TNIK: variants seen among roughly 807,000 people sequenced by gnomAD.
TNIK encodes TRAF2 and NCK-interacting protein kinase.
A neutral mutation model predicts 191.3 loss-of-function variants in TNIK; 49 were observed. That is an observed-to-expected ratio of 0.26 (90% CI 0.20 to 0.32). The LOEUF is 0.32. Ranked by LOEUF, TNIK falls within the 10% of genes least tolerant of loss-of-function variation. The pLI is 1.00. For missense variants in TNIK, 1,155 were observed against 1,702.3 expected (o/e 0.68, Z 5.66); for synonymous variants, 594 against 600.9 (o/e 0.99, Z 0.17).
intron 30 of TNIK, 64 bp from the exon 31 acceptor site, chr3:171,066,799 T>C (rs901519063): frequency 7.9e-6 from 12 of 1,523,508 alleles, no homozygotes; most frequent in Middle Eastern, 1.7e-4. Flanking sequence ...ACTATTCATC[T>C]CTAACAACTG....
chr3:171,174,573 TG>T (rs1270874327), intron 9 of TNIK, among the ~76,000 whole-genome samples: 2 of 152,224 alleles, frequency 1.3e-5, no homozygotes, highest in African/African-American at 4.8e-5. Context: ...TGGCTTAACC[TG>T]TAGAACTGTT....
At position 171,063,014 on chromosome 3, in the gene TNIK, A is replaced by T. The variant is rs1460496317; in HGVS notation, c.*867T>A. On this transcript the variant is annotated 3_prime_UTR_variant, in exon 33 of 33. Transcript: ENST00000436636. ...TCTGTCTGACCCCATCTGTCATCCCATCTTTTTCCCTGATCTGTTGCATAA... is the reference window on the plus strand; with the variant it reads ...TCTGTCTGACCCCATCTGTCATCCCTTCTTTTTCCCTGATCTGTTGCATAA... The T allele has an allele frequency of 6.6e-6, 1 of 152,132 alleles. No homozygotes were observed. Among genetic ancestry groups the T allele is most frequent in the African/African-American group, 2.4e-5 (1 of 41,438 alleles). 9.4% of individuals were successfully genotyped at this position (152,132 alleles called of 1,614,324 possible).
chr3:171,345,661 C>T (rs1384706322), intron 2 of TNIK, among the ~76,000 whole-genome samples: 2 of 152,110 alleles, frequency 1.3e-5, no homozygotes, highest in African/African-American at 4.8e-5. Flanking sequence ...GAAAAAACAC[C>T]AGGGAACTCA....
chr3:171,259,738 A>G (rs932917069), intron 2 of TNIK, among the ~76,000 whole-genome samples: 1 of 152,136 alleles, frequency 6.6e-6, no homozygotes, highest in African/African-American at 2.4e-5. Flanking sequence ...TAAGCCAGGC[A>G]CCCTTTATAA....
At chr3:171,317,848 C>A (rs1754803926) in intron 2 of TNIK, among the ~76,000 whole-genome samples, 1 of 152,062 alleles carries the variant, frequency 6.6e-6, no homozygotes, top group South Asian at 2.1e-4. Context: ...TGCTAGGCAG[C>A]GTGTTCCTAT....
chr3:171,287,868 C>T (rs892710565), intron 2 of TNIK, among the ~76,000 whole-genome samples: 2 of 151,958 alleles, frequency 1.3e-5, no homozygotes, highest in Admixed American at 6.6e-5. Flanking sequence ...CACATGCACA[C>T]GTATGTTTAT....
chr3:171,359,169 C>T (rs1189405375), intron 2 of TNIK, among the ~76,000 whole-genome samples: 1 of 152,076 alleles, frequency 6.6e-6, no homozygotes, highest in Non-Finnish European at 1.5e-5. Flanking sequence ...AAAAGATTTC[C>T]AGTAAGATAA....
chr3:171,398,847 C>T (rs1720560863), intron 1 of TNIK, among the ~76,000 whole-genome samples: 1 of 152,154 alleles, frequency 6.6e-6, no homozygotes, highest in East Asian at 1.9e-4. Context: ...TTTTCCCCTC[C>T]GTACGAAAGA....
intron 2 of TNIK, among the ~76,000 whole-genome samples, chr3:171,266,236 GAAAC>G (rs758908688): frequency 3.3e-5 from 5 of 152,186 alleles, no homozygotes; most frequent in African/African-American, 7.2e-5. Flanking sequence ...TTTAGAAAAT[GAAAC>G]AAAAGTATTG....
chr3:171,425,326 A>C (rs1281615976), intron 1 of TNIK, among the ~76,000 whole-genome samples: 2 of 152,208 alleles, frequency 1.3e-5, no homozygotes, highest in African/African-American at 4.8e-5. Context: ...ACAAATGCCA[A>C]CTTTTTAACA....
chr3:171,106,786 C>T (rs769353138), intron 21 of TNIK: 18 of 533,874 alleles, frequency 3.4e-5, no homozygotes, highest in Non-Finnish European at 6.9e-5. Context: ...ACAAATCACA[C>T]ACTCTAAATT....
intron 23 of TNIK, among the ~76,000 whole-genome samples, chr3:171,091,738 AAATAAT>A (rs71176591): frequency 5.5e-4 from 83 of 151,374 alleles, no homozygotes; most frequent in African/African-American, 1.5e-3. Flanking sequence ...CCATCTCCAA[AAATAAT>A]AATAATAATA....
intron 2 of TNIK, among the ~76,000 whole-genome samples, chr3:171,242,302 G>A (rs1037855640): frequency 6.6e-5 from 10 of 152,096 alleles, no homozygotes; most frequent in Non-Finnish European, 1.2e-4. Context: ...CACAAAACAC[G>A]AAAATTGCCT....
intron 1 of TNIK, among the ~76,000 whole-genome samples, chr3:171,449,509 G>T (rs1352468370): frequency 6.6e-6 from 1 of 152,006 alleles, no homozygotes; most frequent in Admixed American, 6.6e-5. Context: ...CATGAGAAAA[G>T]GCTAATTATT....
intron 1 of TNIK, among the ~76,000 whole-genome samples, chr3:171,406,546 C>T (rs1451044153): frequency 6.6e-6 from 1 of 152,202 alleles, no homozygotes; most frequent in Admixed American, 6.5e-5. Flanking sequence ...CCTCCTGCCT[C>T]AGCCTCCTGA....
chr3:171,123,823 A>C lies in TNIK; in HGVS notation c.2014-121T>G, dbSNP rs1002010490. The C allele has an allele frequency of 6.6e-6, 4 of 604,044 alleles. No individual in the cohort carries two copies. In the African/African-American group the frequency reaches 7.6e-5, roughly 11 times the overall value. The allele number at this position is 604,044 out of a possible 1,614,324, so 37.4% of individuals were successfully genotyped here. A position where few individuals can be genotyped will look rare whatever the true frequency, so the allele number is the denominator to read the frequency against. ...CAGAAACTATCCGAAACAGTAAAGAACTATCTTTCATTCATTCCTCGAAGA... is the reference window on the plus strand; with the variant it reads ...CAGAAACTATCCGAAACAGTAAAGACCTATCTTTCATTCATTCCTCGAAGA... On this transcript the variant is annotated intron_variant, in intron 17 of 32. Transcript: ENST00000436636.
At chr3:171,404,033 A>C (rs1393625507) in intron 1 of TNIK, among the ~76,000 whole-genome samples, 1 of 152,262 alleles carries the variant, frequency 6.6e-6, no homozygotes, top group Non-Finnish European at 1.5e-5. Flanking sequence ...GAGAAGTGGG[A>C]GAAGCATCTT....
chr3:171,140,709 T>C (rs1269447129), intron 12 of TNIK, among the ~76,000 whole-genome samples, 200 bp from the exon 13 acceptor site: 1 of 152,108 alleles, frequency 6.6e-6, no homozygotes, highest in Non-Finnish European at 1.5e-5. Context: ...GTGTCACGCA[T>C]AACATACTTC....
chr3:171,408,743 CTCT>C (rs1431512957), intron 1 of TNIK, among the ~76,000 whole-genome samples: 1 of 152,228 alleles, frequency 6.6e-6, no homozygotes, highest in Non-Finnish European at 1.5e-5. Context: ...CCTCTTTCAC[CTCT>C]TCTTATTTTC....
Sources: gnomAD v4.1 joint callset for allele counts (sites outside exome capture counted in the v4.1 genomes callset) on GRCh38, gnomAD v4.1.1 for gene constraint, MANE v1.5 for transcripts, NCBI Gene and HGNC (gene_info 2026-07-23, HGNC 2026-07-21) for gene names.